The following HELLS variants were observed in gnomAD, a reference collection of about 807,000 sequenced individuals.
The protein encoded by HELLS is lymphoid-specific helicase.
Under a neutral mutation model 120.0 loss-of-function variants are expected in HELLS, and 32 were observed. That is an observed-to-expected ratio of 0.27 (90% CI 0.20 to 0.36). The LOEUF (loss-of-function observed/expected upper bound fraction) is 0.36, where lower values mean the gene tolerates loss of function less well. HELLS is among the 10% of genes least tolerant of loss of function. The pLI is 1.00. For synonymous variants in HELLS, 341 were observed against 323.4 expected (o/e 1.05, Z -0.58); for missense variants, 650 against 993.4 (o/e 0.65, Z 4.65).
At chr10:94,566,271 A>G (rs1032820043) in intron 6 of HELLS, among the ~76,000 whole-genome samples, 2 of 152,176 alleles carry the variant, frequency 1.3e-5, no homozygotes, top group Admixed American at 6.5e-5. Flanking sequence ...AGGAAATGAT[A>G]TCTGTGTTGT....
At chr10:94,553,999 C>A in intron 2 of HELLS, 127 bp from the exon 3 acceptor site, 8 of 714,484 alleles carry the variant, frequency 1.1e-5, no homozygotes, top group African/African-American at 1.9e-5. Context: ...TTATTTGTTC[C>A]AGTTTTTGGT....
At chr10:94,554,043 G>T in intron 2 of HELLS, 83 bp from the exon 3 acceptor site, 11 of 1,137,496 alleles carry the variant, frequency 9.7e-6, no homozygotes, top group East Asian at 6.2e-5. Context: ...TGTTATTTTA[G>T]CCATTTTTAT....
At chr10:94,578,053 A>G (rs544339858) in intron 10 of HELLS, among the ~76,000 whole-genome samples, 2 of 147,342 alleles carry the variant, frequency 1.4e-5, no homozygotes, top group South Asian at 4.4e-4. Flanking sequence ...CTGGGCCGAC[A>G]GAGCGAGACT....
intron 2 of HELLS, chr10:94,550,983 TA>T (rs796485201): frequency 7.7e-4 from 118 of 152,352 alleles, no homozygotes; most frequent in African/African-American, 2.7e-3. Context: ...ACTTAAATTT[TA>T]AAAGTTAAAA....
chr10:94,596,971 T>C lies in HELLS; in HGVS notation c.2345+15T>C, dbSNP rs201515482. 104 of 1,462,862 alleles carry C rather than the reference T, an allele frequency of 7.1e-5. No homozygotes were observed. Among genetic ancestry groups the C allele is most frequent in the Non-Finnish European group, 9.3e-5 (98 of 1,050,068 alleles). The allele number at this position is 1,462,862 out of a possible 1,614,324, so 90.6% of individuals were successfully genotyped here. On this transcript the variant is annotated intron_variant, in intron 20 of 21. Transcript: ENST00000348459. ...GATTATGAAAGGTGAGTTTTTAATTTTAGAAAGATTTAATTTGTAGCTTTG... is the reference window on the plus strand; with the variant it reads ...GATTATGAAAGGTGAGTTTTTAATTCTAGAAAGATTTAATTTGTAGCTTTG...
Position 94,601,719 on chromosome 10 carries a change from A to G in HELLS, c.*97A>G, listed in dbSNP as rs1384063221. 1.6e-6 allele frequency: 1 copy of G among 627,068 alleles called. No individual in the cohort carries two copies. The highest frequency in any genetic ancestry group is 2.8e-6 in the Non-Finnish European group (1 of 356,598). 38.8% of individuals were successfully genotyped at this position (627,068 alleles called of 1,614,324 possible). The stretch of plus-strand genomic sequence containing the variant: ...ACTGATTGTCCACTTCACCTTTTTT[A>G]TTATATCAGTTGACATGTAACTAGT... On this transcript the variant is annotated 3_prime_UTR_variant, in exon 22 of 22. Transcript: ENST00000348459.
chr10:94,599,059 G>T (rs1350254964), intron 21 of HELLS, among the ~76,000 whole-genome samples: 1 of 151,960 alleles, frequency 6.6e-6, no homozygotes, highest in Non-Finnish European at 1.5e-5. Context: ...TTTAATTAAG[G>T]TAGCTTTATG....
Position 94,554,547 on chromosome 10 carries a change from G to A in HELLS, c.276+299G>A, listed in dbSNP as rs570087447. On this transcript the variant is annotated intron_variant, in intron 3 of 21. Coordinates refer to ENST00000348459, the MANE Select transcript of HELLS (RefSeq NM_018063.5). ...TTTTTTCCTAGAAAATTGTATAAAT[G>A]AAATCATGGTATTGTGCTAGTGAGT... Among the ~76,000 whole-genome samples, 106 of 151,428 alleles carry A rather than the reference G, an allele frequency of 7.0e-4. 1 individual carries two copies. The highest frequency in any genetic ancestry group is 2.0e-3 in the Admixed American group (31 of 15,224).
chr10:94,604,564 T>G (rs1050344501), downstream of HELLS, among the ~76,000 whole-genome samples: 1 of 151,962 alleles, frequency 6.6e-6, no homozygotes, highest in African/African-American at 2.4e-5. Flanking sequence ...TCCTCATATT[T>G]AAGAGCAAAT....
chr10:94,584,076 T>C, intron 12 of HELLS: 8 of 1,391,710 alleles, frequency 5.7e-6, no homozygotes, highest in East Asian at 5.3e-5. Flanking sequence ...TTATATGATA[T>C]ACGTCCATAT....
intron 6 of HELLS, chr10:94,570,781 AC>A (rs1844107079): frequency 6.6e-6 from 1 of 152,048 alleles, no homozygotes; most frequent in Non-Finnish European, 1.5e-5. Flanking sequence ...TTTGCCTCTT[AC>A]CCAGGAATGC....
intron 21 of HELLS, among the ~76,000 whole-genome samples, chr10:94,597,894 A>G (rs1445206340): frequency 6.6e-6 from 1 of 152,108 alleles, no homozygotes; most frequent in Non-Finnish European, 1.5e-5. Context: ...TAACTTAATC[A>G]TTGCAAAATG....
intron 21 of HELLS, among the ~76,000 whole-genome samples, chr10:94,599,368 A>T (rs74748202): frequency 6.6e-6 from 1 of 151,964 alleles, no homozygotes; most frequent in Admixed American, 6.6e-5. Context: ...ATTTTTTTTT[A>T]TTTGAGACAA....
intron 12 of HELLS, chr10:94,584,140 T>C: frequency 1.6e-6 from 2 of 1,256,440 alleles, no homozygotes; most frequent in East Asian, 2.8e-5. Context: ...GAAGTCCTTT[T>C]CAGTGTTGCA....
At chr10:94,573,764 T>C (rs535941980) in intron 7 of HELLS, among the ~76,000 whole-genome samples, 196 bp from the exon 8 acceptor site, 1 of 151,658 alleles carries the variant, frequency 6.6e-6, no homozygotes, top group East Asian at 1.9e-4. Flanking sequence ...TGGCAGCCTG[T>C]TATTTTTTTT....
downstream of HELLS, among the ~76,000 whole-genome samples, chr10:94,602,252 C>T (rs1846067565): frequency 1.3e-5 from 2 of 152,044 alleles, no homozygotes; most frequent in African/African-American, 2.4e-5. Flanking sequence ...ATTGTGTTAG[C>T]ACAAGAGAAG....
At chr10:94,590,820 C>G (rs1236445216) in intron 15 of HELLS, 44 bp downstream of exon 15, 1 of 1,115,866 alleles carries the variant, frequency 9.0e-7, no homozygotes, top group Non-Finnish European at 1.3e-6. Context: ...ATTTCCATTA[C>G]TTTTATATTG....
chr10:94,554,188 T>C lies in HELLS; in HGVS notation c.216T>C (p.Leu72=). Residue 72 remains leucine (L), a synonymous_variant, in exon 3 of 22, where the codon CTT becomes CTC. Coordinates refer to ENST00000348459, the MANE Select transcript of HELLS (RefSeq NM_018063.5). The part of the protein sequence containing the change: ...EIRYRRLQHL[L]EKSNIYSKFL... ...GGTACCGTAGACTTCAACATTTGCT[T>C]GAAAAAAGCAATATATACTCCAAAT... 6.3e-7 allele frequency: 1 copy of C among 1,587,662 alleles called. No individual in the cohort carries two copies. Among genetic ancestry groups the C allele is most frequent in the South Asian group, 1.2e-5 (1 of 84,504 alleles).
intron 10 of HELLS, among the ~76,000 whole-genome samples, chr10:94,580,447 G>A (rs1235192874): frequency 1.3e-5 from 2 of 151,892 alleles, no homozygotes; most frequent in Admixed American, 1.3e-4. Context: ...CTCCCAAAGT[G>A]CTGGGATTAC....
Sources: gnomAD v4.1 joint callset for allele counts (sites outside exome capture counted in the v4.1 genomes callset) on GRCh38, gnomAD v4.1.1 for gene constraint, MANE v1.5 for transcripts, NCBI Gene and HGNC (gene_info 2026-07-23, HGNC 2026-07-21) for gene names.